The following UNC93A variants were observed in gnomAD, a reference collection of about 807,000 sequenced individuals.
UNC93A encodes unc-93 homolog A.
A neutral mutation model predicts 47.5 loss-of-function variants in UNC93A; 43 were observed. The ratio of observed to expected loss-of-function variants is 0.91; its 90% CI spans 0.71 to 1.17. The LOEUF is 1.17. Ranked by LOEUF, UNC93A falls within the 50% of genes most tolerant of loss-of-function variation. The pLI, the probability that UNC93A is intolerant of heterozygous loss-of-function variation, is 0.00. For missense variants in UNC93A, 605 were observed against 577.6 expected (o/e 1.05, Z -0.49); for synonymous variants, 280 against 258.0 (o/e 1.09, Z -0.82).
chr6:167,303,760 C>T (rs115458604), intron 4 of UNC93A, among the ~76,000 whole-genome samples, 159 bp from the exon 5 acceptor site: 181 of 152,114 alleles, frequency 1.2e-3, no homozygotes, highest in African/African-American at 4.1e-3. Flanking sequence ...CAACTAGACA[C>T]CTGAGATCCT....
At chr6:167,301,396 T>C (rs1778236337) in intron 4 of UNC93A, among the ~76,000 whole-genome samples, 1 of 152,212 alleles carries the variant, frequency 6.6e-6, no homozygotes, top group Non-Finnish European at 1.5e-5. Context: ...TGTGTCCTTT[T>C]CTATAAAGCA....
chr6:167,301,504 G>A (rs956236873), intron 4 of UNC93A, among the ~76,000 whole-genome samples: 1 of 152,164 alleles, frequency 6.6e-6, no homozygotes, highest in Admixed American at 6.5e-5. Flanking sequence ...GGGTTTCTGA[G>A]CATTGCATTC....
chr6:167,274,922 G>C (rs1783513829), intron 1 of UNC93A, among the ~76,000 whole-genome samples: 1 of 152,178 alleles, frequency 6.6e-6, no homozygotes, highest in Non-Finnish European at 1.5e-5. Context: ...CCTTCTTCCA[G>C]ACAAATACGT....
rs370629535 is a variant in UNC93A, at chr6:167,305,956, C to T, written c.882C>T (p.Tyr294=). 2.1e-5 allele frequency: 34 copies of T among 1,614,086 alleles called. No individual in the cohort carries two copies. The highest frequency in any genetic ancestry group is 6.6e-5 in the South Asian group (6 of 91,086). ...CCCTGGGCATCCAGTTCGTCGGCTA[C>T]GTGATGATCTGCTTCTCGGCCACTG... The part of the protein sequence containing the change: ...TCTLGIQFVG[Y]VMICFSATDA... Residue 294 remains tyrosine, a synonymous_variant, in exon 6 of 8, where the codon TAC becomes TAT. Coordinates refer to ENST00000230256, the MANE Select transcript of UNC93A (RefSeq NM_018974.4).
chr6:167,292,339 A>G (rs888214761), intron 1 of UNC93A, among the ~76,000 whole-genome samples: 1 of 152,154 alleles, frequency 6.6e-6, no homozygotes, highest in Non-Finnish European at 1.5e-5. Flanking sequence ...TCTGATGACA[A>G]ATTAGTGTGG....
At chr6:167,279,665 G>C (rs1783600108) in intron 1 of UNC93A, among the ~76,000 whole-genome samples, 1 of 152,136 alleles carries the variant, frequency 6.6e-6, no homozygotes, top group Non-Finnish European at 1.5e-5. Context: ...TTTCAGTCGA[G>C]TATAACCATA....
chr6:167,311,462 G>A (rs1778553923), intron 7 of UNC93A, among the ~76,000 whole-genome samples: 1 of 152,248 alleles, frequency 6.6e-6, no homozygotes, highest in Non-Finnish European at 1.5e-5. Flanking sequence ...GCTAATGAAA[G>A]ATGGGTGCAG....
At position 167,314,340 on chromosome 6, in the gene UNC93A, T is replaced by G. The variant is rs539138758; in HGVS notation, c.1109-847T>G. ...TCTGGAATCCTCCTGGGGAACCACA[T>G]GCTTCTGCCCCTGGTTTCAGGCCCT... is the stretch of plus-strand genomic sequence containing the variant. On this transcript the variant is annotated intron_variant, in intron 7 of 7. Transcript: ENST00000230256. Among the ~76,000 whole-genome samples the G allele has an allele frequency of 2.2e-4, 34 of 152,258 alleles. 1 individual carries two copies. Among genetic ancestry groups the G allele is most frequent in the African/African-American group, 7.7e-4 (32 of 41,546 alleles).
intron 2 of UNC93A, 148 bp from the exon 3 acceptor site, chr6:167,295,884 A>G (rs1417162746): frequency 1.5e-6 from 1 of 682,468 alleles, no homozygotes; most frequent in Non-Finnish European, 2.5e-6. Context: ...TGGTGAATCC[A>G]TCCATCCAAC....
intron 1 of UNC93A, among the ~76,000 whole-genome samples, chr6:167,274,469 C>T (rs1783505351): frequency 6.6e-6 from 1 of 152,130 alleles, no homozygotes; most frequent in African/African-American, 2.4e-5. Flanking sequence ...TCTTCTTCTT[C>T]CTGTTTATCC....
chr6:167,270,319 G>T (rs1047156508), upstream of UNC93A, among the ~76,000 whole-genome samples: 1 of 152,126 alleles, frequency 6.6e-6, no homozygotes, highest in Non-Finnish European at 1.5e-5. Context: ...AGTCAGCCAG[G>T]CGTCATAATC....
upstream of UNC93A, among the ~76,000 whole-genome samples, chr6:167,270,898 A>G (rs1445015111): frequency 2.0e-5 from 3 of 152,194 alleles, no homozygotes; most frequent in African/African-American, 7.2e-5. Flanking sequence ...CTGGGGGACA[A>G]GAAGTTCCTG....
At chr6:167,281,450 G>C (rs1783632293) in intron 1 of UNC93A, among the ~76,000 whole-genome samples, 1 of 152,220 alleles carries the variant, frequency 6.6e-6, no homozygotes, top group African/African-American at 2.4e-5. Flanking sequence ...GTAGCTAAAA[G>C]GCAGCCAGGA....
At chr6:167,294,839 C>A in intron 2 of UNC93A, 141 bp downstream of exon 2, 3 of 931,438 alleles carry the variant, frequency 3.2e-6, no homozygotes, top group Non-Finnish European at 4.7e-6. Context: ...CCCTGCACCC[C>A]CGCCTCGCTT....
chr6:167,300,849 C>T (rs1778222501), intron 4 of UNC93A, among the ~76,000 whole-genome samples: 1 of 152,162 alleles, frequency 6.6e-6, no homozygotes, highest in Non-Finnish European at 1.5e-5. Context: ...AGGCAGCCAC[C>T]AACAAAGACT....
intron 1 of UNC93A, among the ~76,000 whole-genome samples, chr6:167,294,115 A>T (rs1385606514): frequency 6.6e-6 from 1 of 152,136 alleles, no homozygotes; most frequent in African/African-American, 2.4e-5. Flanking sequence ...CCATGGGCTG[A>T]AGGACCCCTT....
At chr6:167,296,932 A>C in intron 3 of UNC93A, among the ~76,000 whole-genome samples, 1 of 152,158 alleles carries the variant, frequency 6.6e-6, no homozygotes, top group East Asian at 1.9e-4. Flanking sequence ...TCACTTCATC[A>C]AGGTTCTCCA....
At chr6:167,305,675 G>A (rs1778365783) in intron 5 of UNC93A, among the ~76,000 whole-genome samples, 1 of 152,122 alleles carries the variant, frequency 6.6e-6, no homozygotes, top group African/African-American at 2.4e-5. Context: ...AGAAATACAT[G>A]AGAAAGAATT....
At chr6:167,271,626 G>T (rs1783453494) in intron 1 of UNC93A, among the ~76,000 whole-genome samples, 1 of 152,150 alleles carries the variant, frequency 6.6e-6, no homozygotes, top group Non-Finnish European at 1.5e-5. Flanking sequence ...GGGAGGAAAA[G>T]TTTCCTTTTC....
Sources: gnomAD v4.1 joint callset for allele counts (sites outside exome capture counted in the v4.1 genomes callset) on GRCh38, gnomAD v4.1.1 for gene constraint, MANE v1.5 for transcripts, NCBI Gene and HGNC (gene_info 2026-07-23, HGNC 2026-07-21) for gene names.